The following CLIC4 variants were observed in gnomAD, a reference collection of about 807,000 sequenced individuals.
The protein encoded by CLIC4 is chloride intracellular channel protein 4.
CLIC4 carries 13 observed loss-of-function variants against 24.6 expected under a neutral mutation model. The ratio of observed to expected loss-of-function variants is 0.53; its 90% CI spans 0.34 to 0.84. The LOEUF is 0.84. Ranked by LOEUF, CLIC4 falls within the 40% of genes least tolerant of loss-of-function variation. The probability of loss-of-function intolerance (pLI) is 0.01; values close to 1 mark genes in which losing one functional copy is unlikely to be tolerated. For synonymous variants in CLIC4, 104 were observed against 111.3 expected (o/e 0.93, Z 0.41); for missense variants, 227 against 301.7 (o/e 0.75, Z 1.83).
At chr1:24,771,913 G>C in intron 1 of CLIC4, 1 of 508,298 alleles carries the variant, frequency 2.0e-6, no homozygotes, top group Admixed American at 2.0e-5. Flanking sequence ...TGGAGGTGAT[G>C]TTCAGTCCAG....
Position 24,843,135 on chromosome 1 carries a change from G to C in CLIC4, c.*2198G>C, listed in dbSNP as rs1342290990. 4 of 152,134 alleles carry C rather than the reference G, an allele frequency of 2.6e-5. No individual in the cohort carries two copies. The allele number at this position is 152,134 out of a possible 1,614,324, so 9.4% of individuals were successfully genotyped here. On this transcript the variant is annotated 3_prime_UTR_variant, in exon 6 of 6. Transcript: ENST00000374379. Reference sequence around the variant, plus strand: ...CCATCCCTCTAAATGTTCTAGGAAGGCATGTCTATTGTGATTTTGATGAAG... The same window carrying C: ...CCATCCCTCTAAATGTTCTAGGAAGCCATGTCTATTGTGATTTTGATGAAG...
intron 1 of CLIC4, among the ~76,000 whole-genome samples, chr1:24,767,604 A>G (rs889988761): frequency 1.3e-5 from 2 of 152,176 alleles, no homozygotes; most frequent in East Asian, 1.9e-4. Flanking sequence ...GACACTTACT[A>G]GGTAACTAAA....
At chr1:24,818,213 A>G (rs1639690155) in intron 3 of CLIC4, among the ~76,000 whole-genome samples, 1 of 152,198 alleles carries the variant, frequency 6.6e-6, no homozygotes. Context: ...GCAAAGCACA[A>G]TGAAGCAAAG....
intron 2 of CLIC4, among the ~76,000 whole-genome samples, chr1:24,808,194 C>T (rs1240426810): frequency 6.6e-6 from 1 of 152,172 alleles, no homozygotes; most frequent in Admixed American, 6.5e-5. Context: ...GATCCGCCCG[C>T]CTTGGCCTGC....
At chr1:24,838,627 A>G (rs1639909028) in intron 4 of CLIC4, among the ~76,000 whole-genome samples, 1 of 152,084 alleles carries the variant, frequency 6.6e-6, no homozygotes, top group Non-Finnish European at 1.5e-5. Flanking sequence ...ACTTTCTTTT[A>G]TGGCCAGTTA....
rs150862818 is a variant in CLIC4 at position 24,821,644 on chromosome 1, C to G, written c.309-5366C>G. Among the ~76,000 whole-genome samples the G allele has an allele frequency of 7.1e-3, 1,078 of 152,262 alleles. 6 individuals carry two copies. The highest frequency in any genetic ancestry group is 0.014 in the Middle Eastern group (4 of 294). ...TCTTACCTCACTGCAGCCTCAACCT[C>G]CCAGGCTCATAATCCTCCTGCCTCA... On this transcript the variant is annotated intron_variant, in intron 3 of 5. Coordinates refer to ENST00000374379, the MANE Select transcript of CLIC4 (RefSeq NM_013943.3).
At chr1:24,799,715 C>CT (rs1639456597) in intron 2 of CLIC4, among the ~76,000 whole-genome samples, 1 of 136,832 alleles carries the variant, frequency 7.3e-6, no homozygotes, top group African/African-American at 2.7e-5. Flanking sequence ...GTCAGCCCCC[C>CT]GCCCGGCCAG....
At chr1:24,746,051 C>T (rs1393324825) in intron 1 of CLIC4, among the ~76,000 whole-genome samples, 1 of 151,756 alleles carries the variant, frequency 6.6e-6, no homozygotes, top group Non-Finnish European at 1.5e-5. Context: ...GCCCGAACTG[C>T]GGCCCGCCGC....
intron 5 of CLIC4, among the ~76,000 whole-genome samples, chr1:24,840,528 G>A (rs531385875): frequency 1.3e-5 from 2 of 152,284 alleles, no homozygotes; most frequent in South Asian, 4.1e-4. Context: ...ATTATACTTG[G>A]CTGTCTTTCT....
At chr1:24,814,801 G>A (rs987876732) in intron 3 of CLIC4, among the ~76,000 whole-genome samples, 1 of 152,204 alleles carries the variant, frequency 6.6e-6, no homozygotes, top group Admixed American at 6.5e-5. Context: ...GCATCATACT[G>A]TAATATTGGC....
At chr1:24,807,775 T>A (rs1455418226) in intron 2 of CLIC4, among the ~76,000 whole-genome samples, 7 of 152,188 alleles carry the variant, frequency 4.6e-5, no homozygotes, top group East Asian at 1.9e-4. Flanking sequence ...TTATCTAATC[T>A]ACCGTGTTCT....
At chr1:24,823,802 A>G (rs1407293725) in intron 3 of CLIC4, among the ~76,000 whole-genome samples, 3 of 152,066 alleles carry the variant, frequency 2.0e-5, no homozygotes. Context: ...AGACATACAA[A>G]AAAGGAATTT....
intron 1 of CLIC4, among the ~76,000 whole-genome samples, chr1:24,747,305 G>A (rs1392381470): frequency 1.3e-5 from 2 of 151,906 alleles, no homozygotes; most frequent in Admixed American, 6.6e-5. Context: ...GGAGGCTGAG[G>A]TGGGCAGATC....
At chr1:24,793,159 T>A (rs1349475044) in intron 1 of CLIC4, 2 of 460 alleles carry the variant, frequency 4.3e-3, no homozygotes, top group South Asian at 0.33. Context: ...ATTACTGTTG[T>A]TTTTTTTTTT....
chr1:24,829,395 TAAC>T (rs945327904), intron 4 of CLIC4, among the ~76,000 whole-genome samples: 1 of 152,162 alleles, frequency 6.6e-6, no homozygotes, highest in African/African-American at 2.4e-5. Flanking sequence ...GATAGATAGA[TAAC>T]ACATATATAA....
At chr1:24,823,774 CAA>C (rs10627275) in intron 3 of CLIC4, among the ~76,000 whole-genome samples, 9 of 108,718 alleles carry the variant, frequency 8.3e-5, no homozygotes, top group African/African-American at 1.1e-4. Flanking sequence ...AACTCTGTCT[CAA>C]AAAAAAAAAA....
chr1:24,837,388 T>C (rs1056071878), intron 4 of CLIC4, among the ~76,000 whole-genome samples: 4 of 152,186 alleles, frequency 2.6e-5, no homozygotes, highest in East Asian at 1.9e-4. Context: ...AATATTCTTA[T>C]ATCATTTAAA....
chr1:24,748,505 T>G (rs937345179), intron 1 of CLIC4, among the ~76,000 whole-genome samples: 12 of 140,260 alleles, frequency 8.6e-5, no homozygotes, highest in Admixed American at 2.8e-4. Context: ...TTTTGTTTTT[T>G]TTTTTTTTTT....
rs187379383 is a variant in CLIC4 at position 24,823,025 on chromosome 1, G to A, written c.309-3985G>A. Among the ~76,000 whole-genome samples, 786 of 152,218 alleles carry A rather than the reference G, an allele frequency of 5.2e-3. 8 individuals are homozygous for A. The highest frequency in any genetic ancestry group is 7.4e-3 in the Non-Finnish European group (503 of 68,016). On this transcript the variant is annotated intron_variant, in intron 3 of 5. Transcript: ENST00000374379. ...TAAGACTGTTTCTAAATAGGATAAG[G>A]AGAAAAAGGAGAAGAATTGTGCAAG... is the stretch of plus-strand genomic sequence containing the variant.
Sources: allele counts gnomAD v4.1 joint callset (sites outside exome capture counted in the v4.1 genomes callset), GRCh38; gene constraint gnomAD v4.1.1; transcripts MANE v1.5; gene names NCBI Gene and HGNC (gene_info 2026-07-23, HGNC 2026-07-21).